The following MEI4 variants were observed in gnomAD, a reference collection of about 807,000 sequenced individuals.
MEI4 encodes the protein meiosis-specific protein MEI4.
MEI4 carries 27 observed loss-of-function variants against 31.4 expected under a neutral mutation model. The observed-to-expected ratio is 0.86, with a 90% confidence interval of 0.63 to 1.19. MEI4 has a LOEUF of 1.19. Among genes scored for constraint, MEI4 ranks in the 50% most tolerant of loss-of-function variants. MEI4 has a pLI of 0.00. For synonymous variants in MEI4, 122 were observed against 145.4 expected (o/e 0.84, Z 1.16); for missense variants, 329 against 398.9 (o/e 0.82, Z 1.49).
At chr6:77,905,352 A>G (rs933381348) in intron 4 of MEI4, among the ~76,000 whole-genome samples, 2 of 150,934 alleles carry the variant, frequency 1.3e-5, no homozygotes, top group Middle Eastern at 3.5e-3. Flanking sequence ...TTTGACTTTG[A>G]TTTTTGAATC....
At chr6:77,708,421 G>T (rs1296579555) in intron 2 of MEI4, among the ~76,000 whole-genome samples, 1 of 152,224 alleles carries the variant, frequency 6.6e-6, no homozygotes, top group African/African-American at 2.4e-5. Flanking sequence ...AGGCTCATAG[G>T]TAGAAGGAAC....
intron 4 of MEI4, among the ~76,000 whole-genome samples, chr6:77,904,725 G>A (rs1202411107): frequency 1.3e-5 from 2 of 152,084 alleles, no homozygotes; most frequent in Non-Finnish European, 1.5e-5. Flanking sequence ...TGAGCAGTTA[G>A]GTTGATTCCA....
At chr6:77,666,744 G>C (rs897513918) in intron 1 of MEI4, among the ~76,000 whole-genome samples, 2 of 150,834 alleles carry the variant, frequency 1.3e-5, no homozygotes, top group African/African-American at 5.0e-5. Flanking sequence ...GTGATTTTTA[G>C]AATTGATTGA....
intron 3 of MEI4, among the ~76,000 whole-genome samples, chr6:77,792,141 T>C (rs1768954074): frequency 1.3e-5 from 2 of 152,186 alleles, no homozygotes; most frequent in African/African-American, 4.8e-5. Flanking sequence ...TTTTAAAGGA[T>C]GAATAGTATT....
At chr6:77,878,950 G>A (rs149697317) in intron 4 of MEI4, among the ~76,000 whole-genome samples, 1 of 152,012 alleles carries the variant, frequency 6.6e-6, no homozygotes, top group African/African-American at 2.4e-5. Context: ...ATTTCATGAG[G>A]TTTGCATACT....
chr6:77,868,768 C>A (rs1263276098), intron 4 of MEI4, among the ~76,000 whole-genome samples: 1 of 151,742 alleles, frequency 6.6e-6, no homozygotes, highest in Non-Finnish European at 1.5e-5. Flanking sequence ...AAGAATGAAC[C>A]TAGGATACAT....
At chr6:77,908,533 CT>C (rs1487125218) in intron 4 of MEI4, among the ~76,000 whole-genome samples, 1 of 152,084 alleles carries the variant, frequency 6.6e-6, no homozygotes, top group Non-Finnish European at 1.5e-5. Flanking sequence ...CAGTATCATG[CT>C]GTTTTGGTTA....
chr6:77,921,060 G>T (rs143569894), intron 4 of MEI4, among the ~76,000 whole-genome samples: 1 of 151,848 alleles, frequency 6.6e-6, no homozygotes, highest in South Asian at 2.1e-4. Context: ...ATCCTTTGAA[G>T]CTCAGCATTT....
At position 77,924,482 on chromosome 6, in the gene MEI4, C is replaced by G. The variant is rs571246115; in HGVS notation, c.*1136C>G. 5 of 151,602 alleles carry G rather than the reference C, an allele frequency of 3.3e-5. No homozygotes were observed. Among genetic ancestry groups the G allele is most frequent in the Non-Finnish European group, 7.4e-5 (5 of 67,834 alleles). 9.4% of individuals were successfully genotyped at this position (151,602 alleles called of 1,614,324 possible). On this transcript the variant is annotated 3_prime_UTR_variant, in exon 5 of 5. Coordinates refer to ENST00000684080, the MANE Select transcript of MEI4 (RefSeq NM_001322247.2). Reference sequence around the variant, plus strand: ...TATGTGACAGATAGATAATCAATCACAAAATATCTATCAGTGGCATACAAC... The same window carrying G: ...TATGTGACAGATAGATAATCAATCAGAAAATATCTATCAGTGGCATACAAC...
chr6:77,704,722 G>C (rs998953462), intron 2 of MEI4, among the ~76,000 whole-genome samples: 1 of 152,108 alleles, frequency 6.6e-6, no homozygotes, highest in Non-Finnish European at 1.5e-5. Context: ...CATATGTTCA[G>C]GGAGCATAAT....
At chr6:77,791,462 A>G (rs1768929687) in intron 3 of MEI4, among the ~76,000 whole-genome samples, 1 of 144,366 alleles carries the variant, frequency 6.9e-6, no homozygotes, top group Admixed American at 7.3e-5. Context: ...ATTCTCACTC[A>G]TAGGTGGGAA....
intron 1 of MEI4, among the ~76,000 whole-genome samples, chr6:77,654,887 A>C (rs1016980220): frequency 1.3e-5 from 2 of 151,698 alleles, no homozygotes; most frequent in East Asian, 3.9e-4. Flanking sequence ...TTTTCTTTTT[A>C]TTTTTTTGTT....
At chr6:77,725,677 CT>C (rs1370934761) in intron 2 of MEI4, among the ~76,000 whole-genome samples, 1 of 39,744 alleles carries the variant, frequency 2.5e-5, no homozygotes, top group Admixed American at 3.5e-4. Context: ...GAACAAAGGT[CT>C]TGGCATCATA....
intron 3 of MEI4, among the ~76,000 whole-genome samples, chr6:77,828,107 A>G (rs1300300548): frequency 6.6e-6 from 1 of 152,134 alleles, no homozygotes; most frequent in Non-Finnish European, 1.5e-5. Flanking sequence ...CTAGGTGCCT[A>G]TCACTACAGT....
chr6:77,731,688 C>A (rs1200716648), intron 2 of MEI4, among the ~76,000 whole-genome samples: 10 of 151,212 alleles, frequency 6.6e-5, no homozygotes, highest in African/African-American at 1.7e-4. Flanking sequence ...GTGTTTTAGA[C>A]ATGAAGTCCT....
intron 4 of MEI4, among the ~76,000 whole-genome samples, chr6:77,899,603 C>T (rs1766148556): frequency 1.3e-5 from 2 of 152,178 alleles, no homozygotes; most frequent in East Asian, 3.9e-4. Flanking sequence ...GAGCACGTTA[C>T]ACCTACATTG....
At chr6:77,810,945 AT>A (rs1365014083) in intron 3 of MEI4, among the ~76,000 whole-genome samples, 1 of 152,174 alleles carries the variant, frequency 6.6e-6, no homozygotes, top group Non-Finnish European at 1.5e-5. Flanking sequence ...AGAAAAAAAA[AT>A]CTATCTACCT....
intron 2 of MEI4, among the ~76,000 whole-genome samples, chr6:77,756,442 G>T (rs1275303654): frequency 6.6e-6 from 1 of 152,034 alleles, no homozygotes; most frequent in Non-Finnish European, 1.5e-5. Context: ...AGTTGTCAGA[G>T]TTTTCATCGT....
At chr6:77,841,108 A>G (rs932477588) in intron 4 of MEI4, among the ~76,000 whole-genome samples, 2 of 151,872 alleles carry the variant, frequency 1.3e-5, no homozygotes, top group African/African-American at 4.8e-5. Flanking sequence ...GGTAAATATA[A>G]TAGACCATGT....
Sources: gnomAD v4.1 joint callset for allele counts (sites outside exome capture counted in the v4.1 genomes callset) on GRCh38, gnomAD v4.1.1 for gene constraint, MANE v1.5 for transcripts, NCBI Gene and HGNC (gene_info 2026-07-23, HGNC 2026-07-21) for gene names.